The following C8orf34 variants were observed in gnomAD, a reference collection of about 807,000 sequenced individuals.
C8orf34 encodes uncharacterized protein C8orf34.
C8orf34 carries 65 observed loss-of-function variants against 68.3 expected under a neutral mutation model. That is an observed-to-expected ratio of 0.95 (90% CI 0.78 to 1.17). C8orf34 has a LOEUF of 1.17. C8orf34 is among the 50% of genes most tolerant of loss of function. C8orf34 has a pLI of 0.00. For missense variants in C8orf34, 664 were observed against 655.4 expected, an observed-to-expected ratio of 1.01 and a Z score of -0.14; for synonymous variants, 244 against 241.2, an observed-to-expected ratio of 1.01 and a Z score of -0.11.
intron 5 of C8orf34, among the ~76,000 whole-genome samples, chr8:68,519,382 G>T (rs1814653956): frequency 6.6e-6 from 1 of 152,084 alleles, no homozygotes; most frequent in Non-Finnish European, 1.5e-5. Flanking sequence ...TTTTCTCAGA[G>T]ACCTCATAGC....
At chr8:68,611,217 A>C (rs1294688424) in intron 7 of C8orf34, among the ~76,000 whole-genome samples, 1 of 152,150 alleles carries the variant, frequency 6.6e-6, no homozygotes, top group Non-Finnish European at 1.5e-5. Context: ...GATAGACATT[A>C]GGGAAATCGT....
chr8:68,579,780 T>A (rs1317967367), intron 7 of C8orf34, among the ~76,000 whole-genome samples: 1 of 152,176 alleles, frequency 6.6e-6, no homozygotes, highest in Admixed American at 6.6e-5. Flanking sequence ...GGATGCCAAA[T>A]GTATGGCATA....
chr8:68,501,821 A>G (rs993048373), intron 5 of C8orf34, among the ~76,000 whole-genome samples: 2 of 152,142 alleles, frequency 1.3e-5, no homozygotes, highest in African/African-American at 2.4e-5. Flanking sequence ...ATAATCATCA[A>G]TAGGAAGTTT....
At chr8:68,434,767 C>T (rs564911717) in intron 1 of C8orf34, among the ~76,000 whole-genome samples, 1 of 152,128 alleles carries the variant, frequency 6.6e-6, no homozygotes, top group Non-Finnish European at 1.5e-5. Context: ...AACATTGAGG[C>T]TGGGCGCAGT....
intron 7 of C8orf34, among the ~76,000 whole-genome samples, chr8:68,629,044 TGTA>T (rs1345241003): frequency 1.3e-5 from 2 of 152,064 alleles, no homozygotes; most frequent in Non-Finnish European, 2.9e-5. Flanking sequence ...GAAAAAAAAA[TGTA>T]GTACTCTCTT....
chr8:68,525,098 G>A (rs1814919431), intron 6 of C8orf34, among the ~76,000 whole-genome samples: 1 of 152,118 alleles, frequency 6.6e-6, no homozygotes, highest in African/African-American at 2.4e-5. Flanking sequence ...CCATTAGGAA[G>A]TTTTCTTTCC....
chr8:68,411,317 G>A (rs1342050023), intron 1 of C8orf34, among the ~76,000 whole-genome samples: 1 of 152,014 alleles, frequency 6.6e-6, no homozygotes, highest in Non-Finnish European at 1.5e-5. Context: ...AATATTTTTG[G>A]TCAAATAACA....
chr8:68,594,203 T>C (rs749269370), intron 7 of C8orf34, among the ~76,000 whole-genome samples: 1 of 151,962 alleles, frequency 6.6e-6, no homozygotes, highest in Non-Finnish European at 1.5e-5. Context: ...ATAGTAAAGG[T>C]GTTCTCAAAT....
intron 1 of C8orf34, among the ~76,000 whole-genome samples, chr8:68,436,900 T>C (rs1313567554): frequency 6.6e-6 from 1 of 152,184 alleles, no homozygotes; most frequent in Non-Finnish European, 1.5e-5. Flanking sequence ...AATCTAAGGA[T>C]TTAAATTTTC....
chr8:68,401,121 T>TTTC (rs1453999618), intron 1 of C8orf34, among the ~76,000 whole-genome samples: 2 of 151,778 alleles, frequency 1.3e-5, no homozygotes, highest in African/African-American at 2.4e-5. Flanking sequence ...CCTAGTTTTT[T>TTTC]TTTTTTTTTG....
rs150131228 is a variant in C8orf34 at position 68,582,443 on chromosome 8, G to T, written c.1105+49294G>T. ...AGCTCCTAGACAGAAATGTGGGGAA[G>T]GTTAGAGGAATAATTCTAGTTTTTA... On this transcript the variant is annotated intron_variant, in intron 7 of 13. Coordinates refer to ENST00000518698, the MANE Select transcript of C8orf34 (RefSeq NM_052958.4). Among the ~76,000 whole-genome samples the T allele has an allele frequency of 4.9e-3, 740 of 152,242 alleles. 6 individuals carry two copies. Among genetic ancestry groups the T allele is most frequent in the African/African-American group, 0.017 (714 of 41,564 alleles).
chr8:68,675,171 G>C (rs934527074), intron 8 of C8orf34, among the ~76,000 whole-genome samples: 1 of 151,982 alleles, frequency 6.6e-6, no homozygotes, highest in Admixed American at 6.6e-5. Context: ...TCTTCAATCT[G>C]AAAGAAAAAG....
At chr8:68,644,229 C>A (rs1184135015) in intron 8 of C8orf34, among the ~76,000 whole-genome samples, 2 of 152,120 alleles carry the variant, frequency 1.3e-5, no homozygotes, top group Admixed American at 6.5e-5. Flanking sequence ...ATACCCTCTT[C>A]ATAGGGGAGA....
At chr8:68,815,497 A>G (rs1197259661) in intron 12 of C8orf34, among the ~76,000 whole-genome samples, 1 of 152,190 alleles carries the variant, frequency 6.6e-6, no homozygotes, top group Non-Finnish European at 1.5e-5. Context: ...GGGCTGAATA[A>G]GCTGTGTTAG....
chr8:68,419,511 A>G (rs932431536), intron 1 of C8orf34, among the ~76,000 whole-genome samples: 12 of 151,958 alleles, frequency 7.9e-5, no homozygotes, highest in African/African-American at 2.7e-4. Flanking sequence ...TCATGCTGCT[A>G]TAAAGACACT....
intron 7 of C8orf34, among the ~76,000 whole-genome samples, chr8:68,595,660 A>C (rs981354663): frequency 3.3e-5 from 5 of 152,072 alleles, no homozygotes; most frequent in Admixed American, 2.6e-4. Flanking sequence ...TATTTCTTCA[A>C]ATATTGGCTC....
rs560072632 is a variant in C8orf34, at chr8:68,464,246, T to C, written c.608-4446T>C. ...ACCTAGGAATCCAACTTACAAGGGA[T>C]GTGAAGGACCTCTTCAAGGAGAACT... On this transcript the variant is annotated intron_variant, in intron 3 of 13. Transcript: ENST00000518698. 3.4e-3 allele frequency among the ~76,000 whole-genome samples: 513 copies of C among 152,180 alleles called. 2 individuals are homozygous for C. The highest frequency in any genetic ancestry group is 4.9e-3 in the Non-Finnish European group (334 of 68,000).
intron 7 of C8orf34, among the ~76,000 whole-genome samples, chr8:68,606,374 C>T (rs957458825): frequency 3.5e-4 from 53 of 152,020 alleles, no homozygotes; most frequent in African/African-American, 1.3e-3. Context: ...AAGATATTCC[C>T]TCATATATCC....
intron 4 of C8orf34, among the ~76,000 whole-genome samples, chr8:68,477,481 C>A (rs1812671457): frequency 6.6e-6 from 1 of 152,128 alleles, no homozygotes; most frequent in Non-Finnish European, 1.5e-5. Flanking sequence ...ACACACAGTT[C>A]CCACTGGAGC....
Sources: gnomAD v4.1 joint callset for allele counts (sites outside exome capture counted in the v4.1 genomes callset) on GRCh38, gnomAD v4.1.1 for gene constraint, MANE v1.5 for transcripts, NCBI Gene and HGNC (gene_info 2026-07-23, HGNC 2026-07-21) for gene names.